Variants in LIG1 observed in about 807,000 individuals in gnomAD.
LIG1 encodes the protein ligase I, DNA, ATP-dependent.
A neutral mutation model predicts 115.7 loss-of-function variants in LIG1; 70 were observed. The observed-to-expected ratio is 0.60, with a 90% confidence interval of 0.50 to 0.74. LIG1 has a LOEUF of 0.74. Ranked by LOEUF, LIG1 falls within the 30% of genes least tolerant of loss-of-function variation. The pLI, the probability that LIG1 is intolerant of heterozygous loss-of-function variation, is 0.00. For synonymous variants in LIG1, 487 were observed against 495.3 expected (o/e 0.98, Z 0.22); for missense variants, 1,115 against 1,225.6 (o/e 0.91, Z 1.35).
chr19:48,135,029 C>G (rs899539577), intron 16 of LIG1, among the ~76,000 whole-genome samples: 2 of 152,230 alleles, frequency 1.3e-5, no homozygotes, highest in Non-Finnish European at 2.9e-5. Context: ...CTGTCAAGAC[C>G]CTTCACCATG....
chr19:48,150,946 C>T (rs2035433424), intron 7 of LIG1, among the ~76,000 whole-genome samples: 1 of 152,028 alleles, frequency 6.6e-6, no homozygotes, highest in Non-Finnish European at 1.5e-5. Flanking sequence ...AGTAGTCCAC[C>T]CACCTCAGCC....
intron 24 of LIG1, 77 bp downstream of exon 24, chr19:48,121,093 T>A (rs764360942): frequency 4.3e-6 from 7 of 1,611,412 alleles, no homozygotes; most frequent in Non-Finnish European, 5.9e-6. Context: ...TCGGTCTGGG[T>A]TGTGCAATAG....
chr19:48,161,542 A>T, intron 3 of LIG1, 35 bp from the exon 4 acceptor site: 1 of 1,611,536 alleles, frequency 6.2e-7, no homozygotes, highest in Non-Finnish European at 8.5e-7. Context: ...TAAAGGGGCG[A>T]CTACAGCAGG....
chr19:48,121,385 G>GGGAGGGGCTCCTCAGT, intron 23 of LIG1, 63 bp from the exon 24 acceptor site: 1 of 1,466,504 alleles, frequency 6.8e-7, no homozygotes, highest in Non-Finnish European at 9.1e-7. Flanking sequence ...CTCACTGCTG[G>GGGAGGGGCTCCTCAGT]GGAGGGGCTC....
intron 2 of LIG1, 71 bp downstream of exon 2, chr19:48,165,479 A>G: frequency 1.7e-6 from 2 of 1,205,864 alleles, no homozygotes; most frequent in Non-Finnish European, 2.5e-6. Context: ...TTGTTTTTTT[A>G]AGTACAGATT....
chr19:48,123,389 A>T, intron 21 of LIG1, 71 bp from the exon 22 acceptor site: 1 of 1,560,162 alleles, frequency 6.4e-7, no homozygotes, highest in Non-Finnish European at 8.7e-7. Context: ...CCTAAATGTG[A>T]GGCGAACAGG....
chr19:48,162,337 G>T lies in LIG1; in HGVS notation c.32C>A (p.Pro11His). The T allele has an allele frequency of 6.2e-7, 1 of 1,613,714 alleles. No homozygotes were observed. Among genetic ancestry groups the T allele is most frequent in the Non-Finnish European group, 8.5e-7 (1 of 1,179,854 alleles). MQRSIMSFFH[P>H]KKEGKAKKPE... ...CTTCTTTGCTTTACCCTCTTTCTTG[G>T]GGTGGAAAAATGACCTAGAGGAGCA... The change falls in exon 3 of 28, where the codon CCC becomes CAC. Residue 11 changes from proline (P) to histidine (H), a missense_variant. Transcript: ENST00000263274.
intron 17 of LIG1, 198 bp from the exon 18 acceptor site, chr19:48,133,295 G>C (rs905776056): frequency 5.0e-6 from 3 of 597,984 alleles, no homozygotes; most frequent in Non-Finnish European, 9.0e-6. Context: ...GGTGGGAAAG[G>C]CCATGTGATT....
At chr19:48,142,540 A>G (rs2034842030) in intron 11 of LIG1, among the ~76,000 whole-genome samples, 2 of 152,168 alleles carry the variant, frequency 1.3e-5, no homozygotes, top group East Asian at 1.9e-4. Context: ...ACGAAGGGAC[A>G]CTACAGAGCA....
chr19:48,144,016 G>A, intron 9 of LIG1, 53 bp from the exon 10 acceptor site: 3 of 1,375,442 alleles, frequency 2.2e-6, no homozygotes, highest in Admixed American at 1.7e-5. Flanking sequence ...TCAAAGCAAA[G>A]TCATTCCTTC....
Position 48,137,739 on chromosome 19 carries a change from G to GTGTC in LIG1, c.1088-55_1088-52dup. On this transcript the variant is annotated intron_variant, in intron 12 of 27. Transcript: ENST00000263274. This position sits in a 1 kb window ranked among gnomAD's most constrained non-coding sequence, Gnocchi z 4.3. ...TGTCGAGGGTGACAGTTGTGGCTGCGTGTCTCCCTTCTCTCGCGGCCTGGA... is the reference window on the plus strand; with the variant it reads ...TGTCGAGGGTGACAGTTGTGGCTGCGTGTCTGTCTCCCTTCTCTCGCGGCCTGGA... 1 of 1,592,698 alleles carries GTGTC rather than the reference G, an allele frequency of 6.3e-7. No individual in the cohort carries two copies. Among genetic ancestry groups the GTGTC allele is most frequent in the Non-Finnish European group, 8.5e-7 (1 of 1,175,126 alleles).
chr19:48,165,937 A>C (rs984249285), intron 1 of LIG1, among the ~76,000 whole-genome samples: 4 of 152,144 alleles, frequency 2.6e-5, no homozygotes, highest in African/African-American at 9.7e-5. Flanking sequence ...GTTAGTGAAA[A>C]ATTGTTTTAA....
intron 19 of LIG1, among the ~76,000 whole-genome samples, chr19:48,129,502 G>A (rs2033880784): frequency 6.6e-6 from 1 of 152,200 alleles, no homozygotes; most frequent in South Asian, 2.1e-4. Flanking sequence ...ACCATGGCAG[G>A]CCTGTTACAC....
At chr19:48,142,448 A>AAAAAAAAAAAAAAAC (rs1306126726) in intron 11 of LIG1, among the ~76,000 whole-genome samples, 1 of 150,196 alleles carries the variant, frequency 6.7e-6, no homozygotes, top group Non-Finnish European at 1.5e-5. Context: ...ATCTCAAAAA[A>AAAAAAAAAAAAAAAC]AAAAAAAAAC....
At chr19:48,136,386 C>T (rs1319791437) in intron 14 of LIG1, among the ~76,000 whole-genome samples, 2 of 152,190 alleles carry the variant, frequency 1.3e-5, no homozygotes, top group Non-Finnish European at 2.9e-5. Context: ...CCCATCTCAG[C>T]TGCCCTGAGG....
intron 26 of LIG1, among the ~76,000 whole-genome samples, chr19:48,116,432 A>G (rs1484740456): frequency 7.6e-6 from 1 of 130,726 alleles, no homozygotes; most frequent in Non-Finnish European, 1.5e-5. Context: ...TGGGTGACAG[A>G]GCGAGACTCC....
chr19:48,161,142 T>A (rs1021418228), intron 4 of LIG1: 4 of 600,192 alleles, frequency 6.7e-6, no homozygotes, highest in Non-Finnish European at 6.0e-6. Flanking sequence ...AGGAGCTGCA[T>A]GTTACAGTTG....
Position 48,127,176 on chromosome 19 carries a change from G to A in LIG1, c.2004+101C>T. ...CCCAAGTGTGGCTTCCTGGCCATGT[G>A]AAGTGGCAGAGTCGGAAATGGAAGT... On this transcript the variant is annotated intron_variant, in intron 21 of 27. Transcript: ENST00000263274. 3 of 948,600 alleles carry A rather than the reference G, an allele frequency of 3.2e-6. No individual in the cohort carries two copies. In the Admixed American group the frequency reaches 5.1e-5, roughly 16 times the overall value. The allele number at this position is 948,600 out of a possible 1,614,324, so 58.8% of individuals were successfully genotyped here.
intron 1 of LIG1, among the ~76,000 whole-genome samples, chr19:48,166,345 C>T (rs1364735995): frequency 3.3e-5 from 5 of 152,118 alleles, no homozygotes; most frequent in African/African-American, 7.2e-5. Flanking sequence ...TGCAGTGACC[C>T]GAGATTGTGC....
Sources: allele counts gnomAD v4.1 joint callset (sites outside exome capture counted in the v4.1 genomes callset), GRCh38; gene constraint gnomAD v4.1.1; non-coding constraint Gnocchi (gnomAD v3.1); transcripts MANE v1.5; gene names NCBI Gene and HGNC (gene_info 2026-07-23, HGNC 2026-07-21).